The following ROBO1 variants were observed in gnomAD, a reference collection of about 807,000 sequenced individuals.
The protein encoded by ROBO1 is roundabout guidance receptor 1.
In ROBO1, 149 loss-of-function variants were observed where a neutral mutation model predicts 195.9. The observed-to-expected ratio is 0.76, with a 90% CI of 0.67 to 0.87. ROBO1 has a LOEUF of 0.87. ROBO1 is among the 40% of genes least tolerant of loss of function. The probability of loss-of-function intolerance (pLI) is 0.00; values close to 1 mark genes in which losing one functional copy is unlikely to be tolerated. For missense variants in ROBO1, 1,933 were observed against 2,068.3 expected, an observed-to-expected ratio of 0.93 and a Z score of 1.27; for synonymous variants, 816 against 733.2, an observed-to-expected ratio of 1.11 and a Z score of -1.82.
chr3:78,640,436 A>G (rs981666261), intron 21 of ROBO1, among the ~76,000 whole-genome samples: 1 of 152,172 alleles, frequency 6.6e-6, no homozygotes, highest in Non-Finnish European at 1.5e-5. Context: ...TTTTACACAG[A>G]TCCTCATCAA....
chr3:79,403,413 A>G (rs983624430), intron 2 of ROBO1, among the ~76,000 whole-genome samples: 2 of 152,040 alleles, frequency 1.3e-5, no homozygotes, highest in Non-Finnish European at 2.9e-5. Context: ...ATTCATCACC[A>G]TATTTCCTCA....
At chr3:79,127,839 C>G (rs139281542) in intron 2 of ROBO1, among the ~76,000 whole-genome samples, 418 of 152,230 alleles carry the variant, frequency 2.7e-3, no homozygotes, top group African/African-American at 9.6e-3. Context: ...CCTTTCTGGC[C>G]CCTTCTTAGG....
intron 2 of ROBO1, among the ~76,000 whole-genome samples, chr3:79,585,987 G>A (rs1259214385): frequency 6.6e-6 from 1 of 151,832 alleles, no homozygotes; most frequent in Non-Finnish European, 1.5e-5. Context: ...AATACCTGTG[G>A]ATCATAAACT....
chr3:79,583,955 C>A (rs1329752186), intron 2 of ROBO1, among the ~76,000 whole-genome samples: 1 of 151,764 alleles, frequency 6.6e-6, no homozygotes, highest in Non-Finnish European at 1.5e-5. Flanking sequence ...CTCACTCAGG[C>A]TGAATATAAC....
chr3:79,343,144 TTTAAG>T (rs547394702), intron 2 of ROBO1, among the ~76,000 whole-genome samples: 8 of 152,290 alleles, frequency 5.3e-5, no homozygotes, highest in African/African-American at 1.7e-4. Flanking sequence ...GTAACATGAA[TTTAAG>T]TTTCTTCCAC....
chr3:79,699,940 G>T (rs187653454), intron 1 of ROBO1, among the ~76,000 whole-genome samples: 4 of 151,728 alleles, frequency 2.6e-5, no homozygotes, highest in African/African-American at 9.7e-5. Context: ...CTGTCACCCA[G>T]GTACTGAGCA....
At chr3:79,284,941 C>A (rs2031793119) in intron 2 of ROBO1, among the ~76,000 whole-genome samples, 1 of 151,934 alleles carries the variant, frequency 6.6e-6, no homozygotes, top group Non-Finnish European at 1.5e-5. Context: ...AAAAAAAGTA[C>A]TATTTAGTCA....
chr3:79,356,602 G>T (rs1300112741), intron 2 of ROBO1, among the ~76,000 whole-genome samples: 2 of 152,080 alleles, frequency 1.3e-5, no homozygotes, highest in Non-Finnish European at 2.9e-5. Flanking sequence ...GTATTCTTGG[G>T]ATCTAATCTT....
intron 7 of ROBO1, among the ~76,000 whole-genome samples, chr3:78,715,563 A>G (rs2081882241): frequency 6.6e-6 from 1 of 152,016 alleles, no homozygotes; most frequent in Non-Finnish European, 1.5e-5. Context: ...ATGGAGTCAC[A>G]CTCTGCCGCT....
At chr3:79,136,994 T>A (rs1400138492) in intron 2 of ROBO1, among the ~76,000 whole-genome samples, 2 of 152,086 alleles carry the variant, frequency 1.3e-5, no homozygotes, top group Non-Finnish European at 2.9e-5. Flanking sequence ...AAATATTGAA[T>A]AAATTATTTT....
intron 3 of ROBO1, among the ~76,000 whole-genome samples, chr3:78,939,148 T>C (rs1032082970): frequency 2.6e-5 from 4 of 152,146 alleles, no homozygotes; most frequent in Non-Finnish European, 4.4e-5. Context: ...CGCTTACACA[T>C]TGCCTGTGCA....
intron 3 of ROBO1, among the ~76,000 whole-genome samples, chr3:79,050,931 G>A (rs1191789463): frequency 6.6e-6 from 1 of 152,100 alleles, no homozygotes; most frequent in African/African-American, 2.4e-5. Context: ...GAAATTTATA[G>A]CACTAAATGC....
At chr3:79,193,730 G>A (rs2081583578) in intron 2 of ROBO1, among the ~76,000 whole-genome samples, 1 of 151,070 alleles carries the variant, frequency 6.6e-6, no homozygotes, top group Non-Finnish European at 1.5e-5. Context: ...AATTAATGTG[G>A]ACTTGATATC....
intron 2 of ROBO1, among the ~76,000 whole-genome samples, chr3:79,310,926 G>A (rs2033456828): frequency 5.9e-5 from 9 of 152,192 alleles, no homozygotes; most frequent in Admixed American, 5.9e-4. Flanking sequence ...TGTCCAAAGT[G>A]TATGATGATA....
intron 22 of ROBO1, among the ~76,000 whole-genome samples, chr3:78,638,237 G>GTGTGTATACACACATACATATATGTATA (rs1302388418): frequency 0.013 from 1,798 of 136,792 alleles, 4 homozygotes; most frequent in Non-Finnish European, 0.02. Context: ...ATATATGTAT[G>GTGTGTATACACACATACATATATGTATA]TGTGTATACA....
intron 2 of ROBO1, among the ~76,000 whole-genome samples, chr3:79,170,198 T>G (rs1399200404): frequency 1.3e-5 from 2 of 152,088 alleles, no homozygotes; most frequent in East Asian, 3.9e-4. Flanking sequence ...AAATGGAACC[T>G]TCAAGCTTTC....
At chr3:78,693,360 A>T (rs2081217790) in intron 8 of ROBO1, 3 of 1,543,958 alleles carry the variant, frequency 1.9e-6, no homozygotes, top group Non-Finnish European at 2.6e-6. Flanking sequence ...GACCCAACTA[A>T]AACAAAACAA....
intron 2 of ROBO1, among the ~76,000 whole-genome samples, chr3:79,387,266 A>T (rs1300131377): frequency 6.6e-6 from 1 of 152,130 alleles, no homozygotes; most frequent in Non-Finnish European, 1.5e-5. Context: ...AGAAAATGAC[A>T]GTAGCAAAAA....
At chr3:79,400,968 T>A (rs1446876223) in intron 2 of ROBO1, among the ~76,000 whole-genome samples, 1 of 151,862 alleles carries the variant, frequency 6.6e-6, no homozygotes, top group Non-Finnish European at 1.5e-5. Context: ...AAATTACTAA[T>A]TACTGAATAT....
Sources: allele counts gnomAD v4.1 joint callset (sites outside exome capture counted in the v4.1 genomes callset), GRCh38; gene constraint gnomAD v4.1.1; transcripts MANE v1.5; gene names NCBI Gene and HGNC (gene_info 2026-07-23, HGNC 2026-07-21).